ERG: variants seen among roughly 807,000 people sequenced by gnomAD.
The protein encoded by ERG is ETS transcription factor ERG.
In ERG, 9 loss-of-function variants were observed where a neutral mutation model predicts 55.3. The observed-to-expected ratio is 0.16, with a 90% confidence interval of 0.10 to 0.28. The LOEUF is 0.28. Among genes scored for constraint, ERG ranks in the 10% least tolerant of loss-of-function variants. ERG has a pLI of 1.00. For missense variants in ERG, 434 were observed against 631.6 expected (o/e 0.69, Z 3.35); for synonymous variants, 223 against 237.3 (o/e 0.94, Z 0.55).
chr21:38,450,283 C>A (rs2058929165), intron 1 of ERG, among the ~76,000 whole-genome samples: 1 of 151,828 alleles, frequency 6.6e-6, no homozygotes, highest in Non-Finnish European at 1.5e-5. Context: ...GAGGGTGAGG[C>A]AGGAGAATTG....
chr21:38,424,942 G>T (rs1406844306), intron 2 of ERG, among the ~76,000 whole-genome samples: 3 of 152,202 alleles, frequency 2.0e-5, no homozygotes, highest in Admixed American at 2.0e-4. Flanking sequence ...CAGGTCACAG[G>T]GCTGCTGTTA....
intron 2 of ERG, among the ~76,000 whole-genome samples, chr21:38,442,701 T>C (rs2058852992): frequency 6.6e-6 from 1 of 152,206 alleles, no homozygotes; most frequent in Non-Finnish European, 1.5e-5. Flanking sequence ...TCCCCATGCC[T>C]GGCCAGGAGG....
At chr21:38,654,248 C>T (rs1389149332) in intron 1 of ERG, among the ~76,000 whole-genome samples, 3 of 152,338 alleles carry the variant, frequency 2.0e-5, no homozygotes, top group African/African-American at 7.2e-5. Context: ...AAGGACGAGG[C>T]GGGCAGATCA....
chr21:38,513,121 C>T (rs556920736), intron 2 of ERG, among the ~76,000 whole-genome samples: 647 of 109,360 alleles, frequency 5.9e-3, no homozygotes, highest in African/African-American at 0.021. Flanking sequence ...CAGAGTAAGA[C>T]TCCGTCTCAA....
intron 1 of ERG, among the ~76,000 whole-genome samples, chr21:38,626,185 G>T (rs1357478984): frequency 6.6e-6 from 1 of 152,086 alleles, no homozygotes; most frequent in Non-Finnish European, 1.5e-5. Flanking sequence ...GTCTCCCAAA[G>T]TGCTGGGATT....
chr21:38,645,637 C>T (rs1360200712), intron 1 of ERG, among the ~76,000 whole-genome samples: 1 of 152,064 alleles, frequency 6.6e-6, no homozygotes, highest in Non-Finnish European at 1.5e-5. Context: ...TCAAAAGAGA[C>T]AATTTGGAAA....
At chr21:38,463,101 C>G (rs2059058204) in intron 1 of ERG, among the ~76,000 whole-genome samples, 1 of 152,148 alleles carries the variant, frequency 6.6e-6, no homozygotes, top group African/African-American at 2.4e-5. Flanking sequence ...TGGCACTCCC[C>G]AATTAATGTT....
intron 2 of ERG, among the ~76,000 whole-genome samples, chr21:38,507,674 T>C (rs947604534): frequency 1.3e-5 from 2 of 152,066 alleles, no homozygotes; most frequent in Non-Finnish European, 2.9e-5. Context: ...GGGACTCCCC[T>C]GGGATGGGTG....
the ERG span, among the ~76,000 whole-genome samples, chr21:38,374,967 T>C: frequency 6.6e-6 from 1 of 152,170 alleles, no homozygotes; most frequent in African/African-American, 2.4e-5. Flanking sequence ...ATTCTATTCA[T>C]CAAAACCCTT....
intron 1 of ERG, among the ~76,000 whole-genome samples, chr21:38,622,290 C>T (rs2060295551): frequency 6.6e-6 from 1 of 152,164 alleles, no homozygotes; most frequent in African/African-American, 2.4e-5. Flanking sequence ...TGAAGGCCGG[C>T]TCACAGCTAG....
intron 2 of ERG, among the ~76,000 whole-genome samples, chr21:38,514,937 A>G (rs558403944): frequency 2.6e-5 from 4 of 152,182 alleles, no homozygotes; most frequent in African/African-American, 9.6e-5. Context: ...AGTTTTATAT[A>G]TCAGCATAAA....
At chr21:38,403,809 C>T (rs1988631665) in intron 3 of ERG, 100 bp from the exon 4 acceptor site, 4 of 1,149,176 alleles carry the variant, frequency 3.5e-6, no homozygotes, top group Non-Finnish European at 3.8e-6. Flanking sequence ...AGCTGCCTTC[C>T]ACAAGCACAG....
intron 2 of ERG, among the ~76,000 whole-genome samples, chr21:38,515,758 C>A (rs1248177656): frequency 6.6e-6 from 1 of 151,758 alleles, no homozygotes; most frequent in Non-Finnish European, 1.5e-5. Flanking sequence ...AGCCTGAAAC[C>A]AACAGCACAT....
intron 2 of ERG, among the ~76,000 whole-genome samples, chr21:38,507,667 A>G (rs2059474005): frequency 6.6e-6 from 1 of 151,866 alleles, no homozygotes. Flanking sequence ...TGAACTTGGG[A>G]CTCCCCTGGG....
At chr21:38,650,323 T>A (rs1265812186) in intron 1 of ERG, among the ~76,000 whole-genome samples, 1 of 152,116 alleles carries the variant, frequency 6.6e-6, no homozygotes, top group Non-Finnish European at 1.5e-5. Context: ...GCACAAAAAA[T>A]TAAATGAAAT....
intron 1 of ERG, among the ~76,000 whole-genome samples, chr21:38,596,868 C>T (rs1034921780): frequency 3.9e-5 from 6 of 152,112 alleles, no homozygotes; most frequent in African/African-American, 9.7e-5. Flanking sequence ...TGGGGTGGAC[C>T]AACACCAGGA....
chr21:38,378,074 A>C (rs899028242), downstream of ERG, among the ~76,000 whole-genome samples: 1 of 152,148 alleles, frequency 6.6e-6, no homozygotes, highest in Non-Finnish European at 1.5e-5. Flanking sequence ...ACATAATTCA[A>C]TTTGGGGTGA....
chr21:38,384,000 A>T lies in ERG; in HGVS notation c.920-77T>A. 6.6e-7 allele frequency: 1 copy of T among 1,524,410 alleles called. No homozygotes were observed. Among genetic ancestry groups the T allele is most frequent in the South Asian group, 1.3e-5 (1 of 78,630 alleles). The allele number at this position is 1,524,410 out of a possible 1,614,324, so 94.4% of individuals were successfully genotyped here. A position where few individuals can be genotyped will look rare whatever the true frequency, so the allele number is the denominator to read the frequency against. On this transcript the variant is annotated intron_variant, in intron 9 of 9. Transcript: ENST00000288319. This position sits in a 1 kb window ranked among gnomAD's most constrained non-coding sequence, Gnocchi z 5.7. ...GAAAGAGGCTCTCTGTGATGACGGA[A>T]GGAGGTGCTATTGGTGTGCCGCCCA...
chr21:38,445,758 AAGAAAAAAGT>A, intron 1 of ERG, 137 bp from the exon 2 acceptor site: 1 of 673,236 alleles, frequency 1.5e-6, no homozygotes, highest in Non-Finnish European at 2.6e-6. Flanking sequence ...TACCTTTCAG[AAGAAAAAAGT>A]AGCTTGTTTT....
Sources: gnomAD v4.1 joint callset for allele counts (sites outside exome capture counted in the v4.1 genomes callset) on GRCh38, gnomAD v4.1.1 for gene constraint, Gnocchi (gnomAD v3.1) non-coding constraint, MANE v1.5 for transcripts, NCBI Gene and HGNC (gene_info 2026-07-23, HGNC 2026-07-21) for gene names.